FAM219B: variants seen among roughly 807,000 people sequenced by gnomAD.
FAM219B encodes the protein protein FAM219B.
A neutral mutation model predicts 19.9 loss-of-function variants in FAM219B; 18 were observed. The observed-to-expected ratio is 0.91, with a 90% CI of 0.63 to 1.34. The LOEUF (loss-of-function observed/expected upper bound fraction) is 1.34, where lower values mean the gene tolerates loss of function less well. FAM219B is among the 40% of genes most tolerant of loss of function. FAM219B has a pLI of 0.00. For synonymous variants in FAM219B, 123 were observed against 117.5 expected (o/e 1.05, Z -0.30); for missense variants, 283 against 270.5 (o/e 1.05, Z -0.32).
In FAM219B at chr15:74,906,785, G is replaced by A; in HGVS notation, c.16C>T (p.Pro6Ser). Residue 6 changes from proline (P) to serine (S), a missense_variant, in exon 1 of 5, where the codon CCC becomes TCC. Pro to Ser is a moderately conservative substitution (Grantham distance 74). Coordinates refer to ENST00000357635, the MANE Select transcript of FAM219B (RefSeq NM_020447.5). Reference sequence around the variant, plus strand: ...GACAACCGCAACGCGCGCCCGCTGGGCTCCGCGGTCGCCATGGCCGGGCCC... The same window carrying A: ...GACAACCGCAACGCGCGCCCGCTGGACTCCGCGGTCGCCATGGCCGGGCCC... MATAE[P>S]SGRALRLSTP... The A allele has an allele frequency of 7.8e-7, 1 of 1,287,152 alleles. No homozygotes were observed. Among genetic ancestry groups the A allele is most frequent in the South Asian group, 2.8e-5 (1 of 36,222 alleles). 79.7% of individuals were successfully genotyped at this position (1,287,152 alleles called of 1,614,324 possible). A position where few individuals can be genotyped will look rare whatever the true frequency, so the allele number is the denominator to read the frequency against.
chr15:74,902,623 T>C lies in FAM219B; in HGVS notation c.593A>G (p.Gln198Arg). 1 of 1,607,348 alleles carries C rather than the reference T, an allele frequency of 6.2e-7. No individual in the cohort carries two copies. Among genetic ancestry groups the C allele is most frequent in the Non-Finnish European group, 8.5e-7 (1 of 1,176,684 alleles). Reference sequence around the variant, plus strand: ...GCCCACCTTGGAGGGTAATGTCTACTGGAGGGTACAGGAAGAAGAGTCCCC... The same window carrying C: ...GCCCACCTTGGAGGGTAATGTCTACCGGAGGGTACAGGAAGAAGAGTCCCC... ...CLGDSSSCTL[Q>R] The change falls in exon 5 of 5, where the codon CAG becomes CGG. Residue 198 changes from glutamine (Q) to arginine (R), a missense_variant. Gln to Arg is a conservative substitution (Grantham distance 43, BLOSUM62 1). Transcript: ENST00000357635.
intron 4 of FAM219B, among the ~76,000 whole-genome samples, chr15:74,903,473 C>T (rs1238494136): frequency 6.6e-6 from 1 of 151,602 alleles, no homozygotes; most frequent in African/African-American, 2.4e-5. Context: ...TGACGGCGGG[C>T]GCCTGTAGTC....
In FAM219B at chr15:74,902,488, G is replaced by T; in HGVS notation, c.*131C>A. On this transcript the variant is annotated 3_prime_UTR_variant, in exon 5 of 5. Transcript: ENST00000357635. Reference sequence around the variant, plus strand: ...GGGGCCTCTGGCCTGAGAAGCAACAGGTAAGGGCTACCTGCAGGTCACTTT... The same window carrying T: ...GGGGCCTCTGGCCTGAGAAGCAACATGTAAGGGCTACCTGCAGGTCACTTT... The T allele has an allele frequency of 1.1e-6, 1 of 917,530 alleles. No homozygotes were observed. 56.8% of individuals were successfully genotyped at this position (917,530 alleles called of 1,614,324 possible).
chr15:74,902,752 T>C lies in FAM219B; in HGVS notation c.464A>G (p.Gln155Arg). ...AATCTCATCCAGGTGATACCCATCC[T>C]GAAGCAGCTGCCGGCTCACATCCTG... The part of the protein sequence containing the change: ...VNQDVSRQLL[Q>R]DGYHLDEIPD... Residue 155 changes from glutamine to arginine, a missense_variant, in exon 5 of 5, where the codon CAG becomes CGG. Physicochemically the swap from Gln to Arg is conservative, Grantham distance 43. Coordinates refer to ENST00000357635, the MANE Select transcript of FAM219B (RefSeq NM_020447.5). 2 of 1,611,538 alleles carry C rather than the reference T, an allele frequency of 1.2e-6. No homozygotes were observed. Among genetic ancestry groups the C allele is most frequent in the Non-Finnish European group, 1.7e-6 (2 of 1,178,786 alleles).
rs766189641 is a variant in FAM219B, at chr15:74,904,676, A to C, written c.417T>G (p.Tyr139Ter). ...GELGSRYSSG[Y>*]SSAEQVNQDV... ...GTTCTGGACTTGCCTCTGCAGATGA[A>C]TACCCGGAGGAGTATCTGGATCCCA... is the stretch of plus-strand genomic sequence containing the variant. Residue 139 changes from tyrosine (Y) to a stop codon, truncating the protein, a stop_gained, in exon 4 of 5, where the codon TAT becomes TAG. Transcript: ENST00000357635. LOFTEE classifies it high-confidence loss of function. 2 of 1,614,198 alleles carry C rather than the reference A, an allele frequency of 1.2e-6. No individual in the cohort carries two copies. The highest frequency in any genetic ancestry group is 1.7e-6 in the Non-Finnish European group (2 of 1,180,032).
At chr15:74,905,305 TCGCCCTGAAGG>T in intron 2 of FAM219B, 74 bp from the exon 3 acceptor site, 2 of 1,470,110 alleles carry the variant, frequency 1.4e-6, no homozygotes, top group Non-Finnish European at 1.9e-6. Context: ...GGCAGAGTCC[TCGCCCTGAAGG>T]AGAAAGAATT....
rs1363030480 is a variant in FAM219B, at chr15:74,906,482, C to T, written c.214+105G>A. 8 of 1,510,230 alleles carry T rather than the reference C, an allele frequency of 5.3e-6. No homozygotes were observed. In the African/African-American group the frequency reaches 8.3e-5, roughly 16 times the overall value. The allele number at this position is 1,510,230 out of a possible 1,614,324, so 93.6% of individuals were successfully genotyped here. On this transcript the variant is annotated intron_variant, in intron 1 of 4. Transcript: ENST00000357635. ...AGGGGCGAGAGCAGGCTGCAGCTAA[C>T]CCCTTCCCTCCGGGGCCGAGGCCCA...
chr15:74,906,469 A>G, intron 1 of FAM219B, 104 bp from the exon 2 acceptor site: 1 of 1,531,336 alleles, frequency 6.5e-7, no homozygotes, highest in Non-Finnish European at 8.8e-7. Flanking sequence ...GGGCGAGAGC[A>G]GGCTGCAGCT....
chr15:74,906,418 C>T (rs2065197290), intron 1 of FAM219B, 53 bp from the exon 2 acceptor site: 3 of 1,567,770 alleles, frequency 1.9e-6, no homozygotes, highest in African/African-American at 1.4e-5. Flanking sequence ...CGCCGCGTCT[C>T]CCGAAGGCTG....
At chr15:74,904,964 C>T (rs1291040065) in intron 3 of FAM219B, 190 bp downstream of exon 3, 1 of 1,536,876 alleles carries the variant, frequency 6.5e-7, no homozygotes, top group Non-Finnish European at 8.7e-7. Context: ...GCTCCGAATT[C>T]TAGAGCAGCA....
intron 2 of FAM219B, 200 bp downstream of exon 2, chr15:74,906,078 C>G (rs1431721874): frequency 1.7e-6 from 1 of 598,516 alleles, no homozygotes; most frequent in East Asian, 2.9e-5. Flanking sequence ...TCCCTTATTC[C>G]GAAGCCCTTT....
chr15:74,898,950 G>C (rs1390470849), downstream of FAM219B: 1 of 152,280 alleles, frequency 6.6e-6, no homozygotes, highest in Non-Finnish European at 1.5e-5. Context: ...TCAAGCCACA[G>C]TGGCAAAGTT....
In FAM219B at chr15:74,902,287, A is replaced by G; in HGVS notation, c.*332T>C. 1 of 400,366 alleles carries G rather than the reference A, an allele frequency of 2.5e-6. No individual in the cohort carries two copies. Among genetic ancestry groups the G allele is most frequent in the Non-Finnish European group, 4.4e-6 (1 of 227,034 alleles). 24.8% of individuals were successfully genotyped at this position (400,366 alleles called of 1,614,324 possible). On this transcript the variant is annotated 3_prime_UTR_variant, in exon 5 of 5. Coordinates refer to ENST00000357635, the MANE Select transcript of FAM219B (RefSeq NM_020447.5). ...AAGAGCTCCCTTTTTGCCTCCCTGA[A>G]GCACTATGACAAATACCAATCAAGC...
chr15:74,904,578 T>C, intron 4 of FAM219B, 86 bp downstream of exon 4: 3 of 1,482,392 alleles, frequency 2.0e-6, no homozygotes, highest in Non-Finnish European at 2.8e-6. Context: ...AGTGCTGTGC[T>C]CACAGCGGGC....
At position 74,900,207 on chromosome 15, in the gene FAM219B, G is replaced by A. The variant is rs1436180235; in HGVS notation, c.*2412C>T. 6.6e-6 allele frequency: 1 copy of A among 152,230 alleles called. No individual in the cohort carries two copies. Among genetic ancestry groups the A allele is most frequent in the African/African-American group, 2.4e-5 (1 of 41,424 alleles). The allele number at this position is 152,230 out of a possible 1,614,324, so 9.4% of individuals were successfully genotyped here. A position where few individuals can be genotyped will look rare whatever the true frequency, so the allele number is the denominator to read the frequency against. On this transcript the variant is annotated 3_prime_UTR_variant, in exon 5 of 5. Transcript: ENST00000357635. ...GCACATTGGTGGTATTTTGGTATGT[G>A]GCCACTGGCCCTAAACAACTGACCA...
chr15:74,905,237 G>C lies in FAM219B; in HGVS notation c.303-6C>G, dbSNP rs190157421. 6.2e-7 allele frequency: 1 copy of C among 1,613,510 alleles called. No individual in the cohort carries two copies. Among genetic ancestry groups the C allele is most frequent in the Admixed American group, 1.7e-5 (1 of 59,988 alleles). ...CCTTGTTAAACTTCACTGACCTGAG[G>C]GGAGACGGGGGAGAAGAGACCAAAC... On this transcript the variant is annotated splice_region_variant and splice_polypyrimidine_tract_variant and intron_variant, in intron 2 of 4. Transcript: ENST00000357635.
At chr15:74,904,241 C>G (rs28756143) in intron 4 of FAM219B, among the ~76,000 whole-genome samples, 1 of 152,172 alleles carries the variant, frequency 6.6e-6, no homozygotes, top group African/African-American at 2.4e-5. Flanking sequence ...AAACACTTAG[C>G]TGGGATCTAT....
chr15:74,905,373 C>A, intron 2 of FAM219B, 142 bp from the exon 3 acceptor site: 1 of 716,220 alleles, frequency 1.4e-6, no homozygotes, highest in Non-Finnish European at 2.4e-6. Flanking sequence ...CCACCACTGC[C>A]TGCAGCTCCA....
At position 74,905,234 on chromosome 15, in the gene FAM219B, G is replaced by T; in HGVS notation, c.303-3C>A. ...AGCCCTTGTTAAACTTCACTGACCTGAGGGGAGACGGGGGAGAAGAGACCA... is the reference window on the plus strand; with the variant it reads ...AGCCCTTGTTAAACTTCACTGACCTTAGGGGAGACGGGGGAGAAGAGACCA... On this transcript the variant is annotated splice_region_variant and splice_polypyrimidine_tract_variant and intron_variant, in intron 2 of 4. Transcript: ENST00000357635. 1 of 1,613,762 alleles carries T rather than the reference G, an allele frequency of 6.2e-7. No individual in the cohort carries two copies. The highest frequency in any genetic ancestry group is 8.5e-7 in the Non-Finnish European group (1 of 1,179,782).
Sources: allele counts gnomAD v4.1 joint callset (sites outside exome capture counted in the v4.1 genomes callset), GRCh38; gene constraint gnomAD v4.1.1; transcripts MANE v1.5; gene names NCBI Gene and HGNC (gene_info 2026-07-23, HGNC 2026-07-21).